Variants in MYOM1 observed in about 807,000 individuals in gnomAD.
MYOM1 encodes myomesin 1, also known as myomesin-1.
A neutral mutation model predicts 205.3 loss-of-function variants in MYOM1; 164 were observed. The ratio of observed to expected loss-of-function variants is 0.80; its 90% CI spans 0.70 to 0.91. The LOEUF is 0.91. Ranked by LOEUF, MYOM1 falls within the 40% of genes least tolerant of loss-of-function variation. The probability of loss-of-function intolerance (pLI) is 0.00; values close to 1 mark genes in which losing one functional copy is unlikely to be tolerated. For synonymous variants in MYOM1, 772 were observed against 789.4 expected (o/e 0.98, Z 0.37); for missense variants, 2,011 against 2,127.3 (o/e 0.95, Z 1.08).
At chr18:3,129,795 C>A (rs1247193757) in intron 17 of MYOM1, among the ~76,000 whole-genome samples, 2 of 152,020 alleles carry the variant, frequency 1.3e-5, no homozygotes, top group East Asian at 1.9e-4. Context: ...TTTGCAGAAC[C>A]CAAAGGGCTT....
intron 5 of MYOM1, among the ~76,000 whole-genome samples, chr18:3,186,516 G>C (rs905327649): frequency 6.6e-6 from 1 of 152,200 alleles, no homozygotes. Context: ...CATGTGACAG[G>C]AAAGTTCTCA....
intron 37 of MYOM1, among the ~76,000 whole-genome samples, chr18:3,069,755 T>C (rs911070711): frequency 2.6e-5 from 4 of 152,184 alleles, no homozygotes; most frequent in South Asian, 4.1e-4. Flanking sequence ...CCAAACACCT[T>C]AGGCATCATG....
In MYOM1 at chr18:3,073,814, C is replaced by T. The variant is rs139108542; in HGVS notation, c.4708+1640G>A. 5.0e-3 allele frequency among the ~76,000 whole-genome samples: 761 copies of T among 152,320 alleles called. 5 individuals are homozygous for T. Among genetic ancestry groups the T allele is most frequent in the African/African-American group, 0.017 (727 of 41,562 alleles). On this transcript the variant is annotated intron_variant, in intron 36 of 37. Coordinates refer to ENST00000356443, the MANE Select transcript of MYOM1 (RefSeq NM_003803.4). ...GGGCCTGGCCTCTTCAGCTCATCCA[C>T]GGTAGACCTGGTATTCAACTGTGAG... is the stretch of plus-strand genomic sequence containing the variant.
chr18:3,137,799 A>G (rs1002786235), intron 14 of MYOM1, among the ~76,000 whole-genome samples: 3 of 152,288 alleles, frequency 2.0e-5, no homozygotes, highest in Middle Eastern at 3.4e-3. Context: ...CAAAATACCT[A>G]AAAGATAAGA....
At position 3,129,524 on chromosome 18, in the gene MYOM1, A is replaced by C; in HGVS notation, c.2507-5T>G. 6.2e-7 allele frequency: 1 copy of C among 1,603,506 alleles called. No individual in the cohort carries two copies. Among genetic ancestry groups the C allele is most frequent in the South Asian group, 1.1e-5 (1 of 89,778 alleles). On this transcript the variant is annotated splice_region_variant and splice_polypyrimidine_tract_variant and intron_variant, in intron 17 of 37. Transcript: ENST00000356443. ...CATCTGGAGACACTCCTCCCCCTAC[A>C]GTTGCCAGACAACAACAGAAACGCA...
intron 5 of MYOM1, among the ~76,000 whole-genome samples, chr18:3,177,586 C>T (rs1367671109): frequency 6.6e-6 from 1 of 151,978 alleles, no homozygotes; most frequent in Non-Finnish European, 1.5e-5. Flanking sequence ...ATTCTCCTGC[C>T]TCAGCCTCCC....
At chr18:3,099,105 C>T (rs565117826) in intron 25 of MYOM1, among the ~76,000 whole-genome samples, 24 of 152,284 alleles carry the variant, frequency 1.6e-4, no homozygotes, top group African/African-American at 5.3e-4. Context: ...AGGTGTGAAC[C>T]GCTGTGCCCA....
chr18:3,214,735 A>G (rs938405813), intron 2 of MYOM1, among the ~76,000 whole-genome samples, 199 bp downstream of exon 2: 1 of 152,206 alleles, frequency 6.6e-6, no homozygotes, highest in Non-Finnish European at 1.5e-5. Context: ...AGGCAGGAGA[A>G]TCGATTGAAC....
intron 2 of MYOM1, among the ~76,000 whole-genome samples, chr18:3,199,827 G>A (rs571837980): frequency 6.6e-6 from 1 of 151,598 alleles, no homozygotes; most frequent in East Asian, 1.9e-4. Flanking sequence ...GTGACAGAGT[G>A]AGACTCCGTC....
chr18:3,151,565 ATG>A (rs2080222630), intron 12 of MYOM1, 127 bp downstream of exon 12: 2 of 705,536 alleles, frequency 2.8e-6, no homozygotes, highest in Non-Finnish European at 2.1e-6. Flanking sequence ...GGATTTTCTG[ATG>A]AAAAAAGGAT....
At chr18:3,132,600 G>A (rs2079894382) in intron 16 of MYOM1, among the ~76,000 whole-genome samples, 2 of 152,086 alleles carry the variant, frequency 1.3e-5, no homozygotes, top group African/African-American at 4.8e-5. Context: ...TATGATCAAT[G>A]ACTATTTTAG....
chr18:3,184,575 G>T (rs1312042129), intron 5 of MYOM1, among the ~76,000 whole-genome samples: 1 of 152,066 alleles, frequency 6.6e-6, no homozygotes, highest in Non-Finnish European at 1.5e-5. Context: ...TTTTTTGTTT[G>T]TTTGTTTTTT....
chr18:3,085,435 T>C (rs1218691079), intron 30 of MYOM1, among the ~76,000 whole-genome samples: 7 of 151,944 alleles, frequency 4.6e-5, no homozygotes, highest in Non-Finnish European at 7.4e-5. Flanking sequence ...TTAAAGGCCC[T>C]TGATTTACAG....
At position 3,197,069 on chromosome 18, in the gene MYOM1, C is replaced by T. The variant is rs142064100; in HGVS notation, c.291-3111G>A. Among the ~76,000 whole-genome samples, 614 of 151,892 alleles carry T rather than the reference C, an allele frequency of 4.0e-3. 5 individuals are homozygous for T. The highest frequency in any genetic ancestry group is 0.014 in the African/African-American group (575 of 41,380). ...ACAGTGAGTTGGTGGTGAACTGGGA[C>T]TAGCATTCATCTCTTCTTGATTTTC... On this transcript the variant is annotated intron_variant, in intron 2 of 37. Coordinates refer to ENST00000356443, the MANE Select transcript of MYOM1 (RefSeq NM_003803.4).
At position 3,148,833 on chromosome 18, in the gene MYOM1, G is replaced by A. The variant is rs544082357; in HGVS notation, c.1900+312C>T. Among the ~76,000 whole-genome samples, 4 of 113,544 alleles carry A rather than the reference G, an allele frequency of 3.5e-5. No individual in the cohort carries two copies. The South Asian group carries it at 9.0e-4, about 26-fold the overall frequency. 74.5% of individuals were successfully genotyped at this position (113,544 alleles called of 152,430 possible). A position where few individuals can be genotyped will look rare whatever the true frequency, so the allele number is the denominator to read the frequency against. ...TGCACTCCACCCTGGGCGACAGAGC[G>A]AGACTCCATCCAAAAAAAAAAAAAA... On this transcript the variant is annotated intron_variant, in intron 13 of 37. Coordinates refer to ENST00000356443, the MANE Select transcript of MYOM1 (RefSeq NM_003803.4).
chr18:3,233,399 A>G, the MYOM1 span, among the ~76,000 whole-genome samples: 1 of 152,218 alleles, frequency 6.6e-6, no homozygotes, highest in African/African-American at 2.4e-5. Context: ...CAAGGTATTG[A>G]GAGTACAAAC....
intron 2 of MYOM1, among the ~76,000 whole-genome samples, chr18:3,197,725 T>C (rs1435078876): frequency 2.0e-5 from 3 of 151,548 alleles, no homozygotes; most frequent in South Asian, 2.1e-4. Context: ...TACAAAAAAT[T>C]AGCTGGGCAT....
chr18:3,232,047 C>T, the MYOM1 span, among the ~76,000 whole-genome samples: 6 of 151,350 alleles, frequency 4.0e-5, no homozygotes, highest in Admixed American at 3.3e-4. Context: ...AAGTAGAACC[C>T]GGCCAGGAGC....
the MYOM1 span, among the ~76,000 whole-genome samples, chr18:3,237,687 G>A: frequency 6.7e-6 from 1 of 149,578 alleles, no homozygotes; most frequent in South Asian, 2.1e-4. Context: ...AGTGAAATAA[G>A]CCAGTCACAA....
Sources: gnomAD v4.1 joint callset for allele counts (sites outside exome capture counted in the v4.1 genomes callset) on GRCh38, gnomAD v4.1.1 for gene constraint, MANE v1.5 for transcripts, NCBI Gene and HGNC (gene_info 2026-07-23, HGNC 2026-07-21) for gene names.